OR52I2: variants seen among roughly 807,000 people sequenced by gnomAD.
OR52I2 encodes olfactory receptor family 52 subfamily I member 2, also known as olfactory receptor 52I2.
For missense variants in OR52I2, 350 were observed against 402.4 expected (o/e 0.87, Z 1.11); for synonymous variants, 147 against 151.9 (o/e 0.97, Z 0.24).
intron 1 of OR52I2, among the ~76,000 whole-genome samples, chr11:4,583,106 G>C (rs903434484): frequency 1.3e-5 from 2 of 152,212 alleles, no homozygotes; most frequent in African/African-American, 4.8e-5. Context: ...CCTTGATGGA[G>C]ATGACATTTG....
At chr11:4,586,356 TAC>T (rs1846300753) in intron 1 of OR52I2, among the ~76,000 whole-genome samples, 1 of 152,268 alleles carries the variant, frequency 6.6e-6, no homozygotes, top group South Asian at 2.1e-4. Context: ...TAACTGAGCG[TAC>T]AGAGATGAAA....
chr11:4,582,241 G>T (rs895692545), intron 1 of OR52I2, among the ~76,000 whole-genome samples: 1 of 151,874 alleles, frequency 6.6e-6, no homozygotes, highest in Middle Eastern at 3.2e-3. Context: ...AAAGGCACAG[G>T]GTTGTCATAA....
exon 2 of OR52I2, chr11:4,587,518 A>G: frequency 6.2e-7 from 1 of 1,614,116 alleles, no homozygotes; most frequent in East Asian, 2.2e-5. Flanking sequence ...TTCCTCTCTT[A>G]TGGTGGGCTC....
exon 2 of OR52I2, chr11:4,592,076 A>G (rs1427258864): frequency 6.6e-6 from 1 of 152,190 alleles, no homozygotes; most frequent in East Asian, 1.9e-4. Flanking sequence ...CAAATCACAT[A>G]CACCCATTTA....
At chr11:4,588,030 G>A in exon 2 of OR52I2, 2 of 643,392 alleles carry the variant, frequency 3.1e-6, no homozygotes, top group Non-Finnish European at 2.7e-6. Context: ...CTGATTTTCT[G>A]AGGGCTTTCT....
chr11:4,585,747 C>T (rs1444287396), intron 1 of OR52I2, among the ~76,000 whole-genome samples: 1 of 152,176 alleles, frequency 6.6e-6, no homozygotes, highest in East Asian at 1.9e-4. Flanking sequence ...ACCTGGGAGT[C>T]ATAGCTTAAA....
At chr11:4,586,615 A>G (rs1239734794) in intron 1 of OR52I2, among the ~76,000 whole-genome samples, 2 of 152,128 alleles carry the variant, frequency 1.3e-5, no homozygotes, top group Non-Finnish European at 2.9e-5. Flanking sequence ...AAGGGTATGG[A>G]ATGGGGAAGG....
At chr11:4,587,016 C>T (rs140702655) in exon 2 of OR52I2, 2 of 1,614,116 alleles carry the variant, frequency 1.2e-6, no homozygotes, top group South Asian at 1.1e-5. Context: ...ACATCATAGC[C>T]CTGTTAGGAA....
At chr11:4,587,477 C>T (rs1314208330) in exon 2 of OR52I2, 1 of 1,614,064 alleles carries the variant, frequency 6.2e-7, no homozygotes, top group Non-Finnish European at 8.5e-7. Flanking sequence ...TGTGCTGACC[C>T]CGTGCCCAGC....
chr11:4,587,017 C>G (rs1191511899), exon 2 of OR52I2: 3 of 1,614,044 alleles, frequency 1.9e-6, no homozygotes, highest in Non-Finnish European at 2.5e-6. Flanking sequence ...CATCATAGCC[C>G]TGTTAGGAAA....
In OR52I2 at chr11:4,587,850, C is replaced by CAACCTGGGTTCATGAACACAAT; in HGVS notation, c.962_*8dup. ...TGATGCATGTCCTCTTTGACCATTCCAACCTGGGTTCATGAACACAATATC... is the reference window on the plus strand; with the variant it reads ...TGATGCATGTCCTCTTTGACCATTCCAACCTGGGTTCATGAACACAATAACCTGGGTTCATGAACACAATATC... On this transcript the variant is annotated stop_gained and frameshift_variant, in exon 2 of 2. Transcript: ENST00000641896. LOFTEE classifies it high-confidence loss of function. The CAACCTGGGTTCATGAACACAAT allele has an allele frequency of 6.2e-7, 1 of 1,613,562 alleles. No homozygotes were observed. The highest frequency in any genetic ancestry group is 8.5e-7 in the Non-Finnish European group (1 of 1,179,628).
chr11:4,588,160 C>A (rs1846323426), exon 2 of OR52I2: 1 of 355,394 alleles, frequency 2.8e-6, no homozygotes, highest in African/African-American at 2.1e-5. Context: ...GAGGAAGGCA[C>A]AAAGCCTCTT....
chr11:4,582,050 G>A (rs925270337), intron 1 of OR52I2, among the ~76,000 whole-genome samples, 186 bp downstream of exon 1: 5 of 152,238 alleles, frequency 3.3e-5, no homozygotes, highest in Admixed American at 6.5e-5. Flanking sequence ...TTTGGATGAG[G>A]GAGGTGGAGA....
intron 1 of OR52I2, among the ~76,000 whole-genome samples, chr11:4,582,869 G>A (rs1489363746): frequency 2.0e-5 from 3 of 152,180 alleles, no homozygotes; most frequent in Admixed American, 1.3e-4. Context: ...TCTGAAAACA[G>A]TATGCCTTAC....
exon 2 of OR52I2, chr11:4,590,483 GAAACGT>G (rs780669660): frequency 1.3e-5 from 2 of 152,206 alleles, no homozygotes; most frequent in Non-Finnish European, 2.9e-5. Context: ...TAATTGAGAA[GAAACGT>G]AAATGGAGAT....
At chr11:4,589,103 T>C (rs1346660649) in exon 2 of OR52I2, 1 of 152,236 alleles carries the variant, frequency 6.6e-6, no homozygotes, top group Non-Finnish European at 1.5e-5. Flanking sequence ...AGCATCTGCC[T>C]CCTCCTGCTA....
At chr11:4,583,988 T>C (rs940109690) in intron 1 of OR52I2, among the ~76,000 whole-genome samples, 1 of 152,188 alleles carries the variant, frequency 6.6e-6, no homozygotes, top group African/African-American at 2.4e-5. Flanking sequence ...CTGCAGTAGA[T>C]GGGATTCTGA....
intron 1 of OR52I2, among the ~76,000 whole-genome samples, chr11:4,582,194 G>C (rs1190383258): frequency 1.3e-5 from 2 of 152,126 alleles, no homozygotes; most frequent in Non-Finnish European, 2.9e-5. Flanking sequence ...AGGGGTGACT[G>C]GGAGTATGCT....
At chr11:4,584,113 T>A (rs1476884258) in intron 1 of OR52I2, among the ~76,000 whole-genome samples, 2 of 152,184 alleles carry the variant, frequency 1.3e-5, no homozygotes, top group Admixed American at 1.3e-4. Flanking sequence ...TATGGCAGCT[T>A]CTTACTATGG....
Sources: allele counts gnomAD v4.1 joint callset (sites outside exome capture counted in the v4.1 genomes callset), GRCh38; gene constraint gnomAD v4.1.1; transcripts MANE v1.5; gene names NCBI Gene and HGNC (gene_info 2026-07-23, HGNC 2026-07-21).